The following SETBP1 variants were observed in gnomAD, a reference collection of about 807,000 sequenced individuals.
SETBP1 encodes the protein SET-binding protein.
A neutral mutation model predicts 101.0 loss-of-function variants in SETBP1; 9 were observed. The observed-to-expected ratio is 0.09, with a 90% CI of 0.05 to 0.16. SETBP1 has a LOEUF of 0.16. Among genes scored for constraint, SETBP1 ranks in the 10% least tolerant of loss-of-function variants. SETBP1 has a pLI of 1.00. For synonymous variants in SETBP1, 818 were observed against 788.5 expected (o/e 1.04, Z -0.63); for missense variants, 1,858 against 2,033.8 (o/e 0.91, Z 1.66).
At chr18:44,953,465 G>A (rs1369579601) in intron 4 of SETBP1, 125 bp downstream of exon 4, 1 of 816,772 alleles carries the variant, frequency 1.2e-6, no homozygotes, top group Non-Finnish European at 2.1e-6. Context: ...AATTAAAATG[G>A]GTCTCCTTGC....
intron 3 of SETBP1, among the ~76,000 whole-genome samples, chr18:44,873,154 G>T (rs1324997605): frequency 6.6e-6 from 1 of 152,202 alleles, no homozygotes; most frequent in Non-Finnish European, 1.5e-5. Context: ...CACTCACTTA[G>T]TTGCCATTTC....
chr18:44,719,366 G>GGGAGTGGT (rs1280712044), intron 2 of SETBP1, among the ~76,000 whole-genome samples: 1 of 152,178 alleles, frequency 6.6e-6, no homozygotes, highest in African/African-American at 2.4e-5. Flanking sequence ...TGGAGGGCAG[G>GGGAGTGGT]GGAGTGGTAT....
intron 2 of SETBP1, among the ~76,000 whole-genome samples, chr18:44,858,920 T>C (rs957525509): frequency 6.6e-6 from 1 of 152,164 alleles, no homozygotes; most frequent in African/African-American, 2.4e-5. Context: ...TCACTCTTTC[T>C]TGGGATGCAA....
intron 2 of SETBP1, among the ~76,000 whole-genome samples, chr18:44,847,778 T>C (rs1401551997): frequency 6.6e-6 from 1 of 152,160 alleles, no homozygotes; most frequent in Non-Finnish European, 1.5e-5. Context: ...GAGATCATGC[T>C]ACAAAGATAA....
At chr18:44,969,552 C>T (rs111447483) in intron 4 of SETBP1, among the ~76,000 whole-genome samples, 1 of 152,112 alleles carries the variant, frequency 6.6e-6, no homozygotes, top group Non-Finnish European at 1.5e-5. Context: ...AGGTTGGGAC[C>T]TTTCATGTTG....
intron 5 of SETBP1, among the ~76,000 whole-genome samples, chr18:45,044,504 T>C (rs2073570630): frequency 3.3e-5 from 5 of 152,190 alleles, no homozygotes; most frequent in Admixed American, 3.3e-4. Context: ...CCAAAAGCCT[T>C]CTGAAAAACC....
chr18:44,826,646 GT>G (rs2072245863), intron 2 of SETBP1, among the ~76,000 whole-genome samples: 1 of 152,088 alleles, frequency 6.6e-6, no homozygotes, highest in South Asian at 2.1e-4. Flanking sequence ...TGTTCCTGTT[GT>G]TGTCGTTGTT....
intron 2 of SETBP1, among the ~76,000 whole-genome samples, chr18:44,789,713 C>T (rs958584772): frequency 3.3e-5 from 5 of 152,244 alleles, no homozygotes; most frequent in East Asian, 1.9e-4. Flanking sequence ...TATCTATGAA[C>T]GGAGAAGGGA....
intron 4 of SETBP1, among the ~76,000 whole-genome samples, chr18:44,979,938 T>C (rs920156975): frequency 6.6e-6 from 1 of 152,238 alleles, no homozygotes; most frequent in Admixed American, 6.5e-5. Flanking sequence ...TGAAAACCCA[T>C]GTGGATGTAA....
chr18:45,050,262 A>G (rs2073699823), intron 5 of SETBP1, among the ~76,000 whole-genome samples: 1 of 152,268 alleles, frequency 6.6e-6, no homozygotes, highest in Non-Finnish European at 1.5e-5. Flanking sequence ...GATACAAAGC[A>G]TAGCTGTTAC....
At chr18:44,877,346 T>C (rs2069430009) in intron 3 of SETBP1, 1 of 952,460 alleles carries the variant, frequency 1.0e-6, no homozygotes, top group South Asian at 4.9e-5. Flanking sequence ...TCAAAGATCG[T>C]TTGATAAGCT....
At chr18:44,939,991 G>A (rs1232145443) in intron 3 of SETBP1, among the ~76,000 whole-genome samples, 2 of 152,144 alleles carry the variant, frequency 1.3e-5, no homozygotes, top group Non-Finnish European at 2.9e-5. Flanking sequence ...AGAGAGGAGT[G>A]TTAAAATACC....
intron 2 of SETBP1, among the ~76,000 whole-genome samples, chr18:44,778,902 G>C (rs1440770700): frequency 6.7e-6 from 1 of 149,194 alleles, no homozygotes; most frequent in Non-Finnish European, 1.5e-5. Context: ...TGCGCAGTGT[G>C]GGGTGGTGTC....
chr18:44,957,080 C>T (rs1255853057), intron 4 of SETBP1, among the ~76,000 whole-genome samples: 7 of 152,138 alleles, frequency 4.6e-5, no homozygotes, highest in African/African-American at 1.4e-4. Flanking sequence ...GGTGCAATCT[C>T]AGAATTGGTA....
intron 2 of SETBP1, among the ~76,000 whole-genome samples, chr18:44,785,071 A>T (rs1285035016): frequency 6.6e-6 from 1 of 152,178 alleles, no homozygotes; most frequent in East Asian, 1.9e-4. Context: ...TATTTGTTTA[A>T]TTCATTTTTA....
intron 4 of SETBP1, among the ~76,000 whole-genome samples, chr18:44,969,228 G>A (rs867186833): frequency 4.6e-5 from 7 of 152,314 alleles, no homozygotes; most frequent in Middle Eastern, 3.4e-3. Context: ...GGGGAAGAAA[G>A]CTGCAGTTTT....
At chr18:44,808,801 A>G (rs977039973) in intron 2 of SETBP1, among the ~76,000 whole-genome samples, 6 of 152,206 alleles carry the variant, frequency 3.9e-5, no homozygotes, top group African/African-American at 1.4e-4. Flanking sequence ...TTGATCAAGG[A>G]AGACTTACAA....
intron 3 of SETBP1, among the ~76,000 whole-genome samples, chr18:44,946,607 C>T (rs987252308): frequency 3.2e-4 from 48 of 152,346 alleles, no homozygotes; most frequent in African/African-American, 1.2e-3. Flanking sequence ...TAGGAGCCAT[C>T]ATCAAATGAC....
intron 3 of SETBP1, among the ~76,000 whole-genome samples, chr18:44,925,711 C>A (rs2070691091): frequency 6.6e-6 from 1 of 152,250 alleles, no homozygotes; most frequent in South Asian, 2.1e-4. Flanking sequence ...TTTCCCAAAT[C>A]ATTAGAAGAG....
Sources: gnomAD v4.1 joint callset for allele counts (sites outside exome capture counted in the v4.1 genomes callset) on GRCh38, gnomAD v4.1.1 for gene constraint, MANE v1.5 for transcripts, NCBI Gene and HGNC (gene_info 2026-07-23, HGNC 2026-07-21) for gene names.